FNIP1: variants seen among roughly 807,000 people sequenced by gnomAD.
FNIP1 encodes folliculin-interacting protein 1.
In FNIP1, 40 loss-of-function variants were observed where a neutral mutation model predicts 124.5. That is an observed-to-expected ratio of 0.32 (90% CI 0.25 to 0.42). The LOEUF is 0.42. FNIP1 is among the 10% of genes least tolerant of loss of function. FNIP1 has a pLI of 1.00. For synonymous variants in FNIP1, 472 were observed against 470.6 expected (o/e 1.00, Z -0.04); for missense variants, 1,176 against 1,403.7 (o/e 0.84, Z 2.59).
At chr5:131,716,537 A>C (rs1374038142) in intron 6 of FNIP1, 28 bp downstream of exon 6, 3 of 1,471,306 alleles carry the variant, frequency 2.0e-6, no homozygotes, top group Non-Finnish European at 2.8e-6. Flanking sequence ...GTATTTTTTA[A>C]ACTTATAAAA....
At chr5:131,714,637 C>T (rs1246203284) in intron 6 of FNIP1, among the ~76,000 whole-genome samples, 1 of 152,090 alleles carries the variant, frequency 6.6e-6, no homozygotes, top group Non-Finnish European at 1.5e-5. Flanking sequence ...GATCTCTTAC[C>T]CCTAGGTCTG....
At chr5:131,785,176 A>G (rs147303699) in intron 1 of FNIP1, among the ~76,000 whole-genome samples, 2,297 of 86,728 alleles carry the variant, frequency 0.026, 79 homozygotes, top group Non-Finnish European at 0.043. Context: ...CTATATATAT[A>G]TCATATATAT....
chr5:131,654,589 T>TA (rs1767136648), intron 15 of FNIP1, among the ~76,000 whole-genome samples: 1 of 151,956 alleles, frequency 6.6e-6, no homozygotes, highest in Non-Finnish European at 1.5e-5. Context: ...CATCTAGCTT[T>TA]AAAAAAAATG....
At chr5:131,708,247 C>G (rs1769180003) in intron 8 of FNIP1, among the ~76,000 whole-genome samples, 2 of 152,244 alleles carry the variant, frequency 1.3e-5, no homozygotes, top group Admixed American at 6.5e-5. Flanking sequence ...CTAATACATA[C>G]CTAGGGATTG....
intron 6 of FNIP1, among the ~76,000 whole-genome samples, chr5:131,713,425 G>A (rs1580777753): frequency 3.3e-5 from 5 of 152,182 alleles, no homozygotes; most frequent in Admixed American, 3.3e-4. Context: ...CATTTCCTAG[G>A]TCATCCTCCA....
At chr5:131,760,972 A>G (rs1242420439) in intron 1 of FNIP1, among the ~76,000 whole-genome samples, 1 of 152,162 alleles carries the variant, frequency 6.6e-6, no homozygotes, top group Non-Finnish European at 1.5e-5. Flanking sequence ...CAAGCCAAAA[A>G]CATTCCCAAT....
At chr5:131,742,466 AAAAC>A (rs1297761355) in intron 2 of FNIP1, among the ~76,000 whole-genome samples, 5 of 152,226 alleles carry the variant, frequency 3.3e-5, no homozygotes, top group Non-Finnish European at 4.4e-5. Flanking sequence ...CTGTCTCAAG[AAAAC>A]AAACAGACAA....
rs372818126 is a variant in FNIP1, at chr5:131,672,176, C to A, written c.2268G>T (p.Gly756=). Residue 756 remains glycine, a synonymous_variant, in exon 14 of 18, where the codon GGG becomes GGT. Coordinates refer to ENST00000510461, the MANE Select transcript of FNIP1 (RefSeq NM_133372.3). ...AAQTKVTFLI[G]DSMSPDSDTE... ...TATCTGAATCAGGTGACATAGAATC[C>A]CCAATCAGGAAAGTAACCTTTGTCT... The A allele has an allele frequency of 6.2e-7, 1 of 1,614,146 alleles. No homozygotes were observed. Among genetic ancestry groups the A allele is most frequent in the East Asian group, 2.2e-5 (1 of 44,882 alleles).
At chr5:131,709,135 G>C in intron 8 of FNIP1, 66 bp downstream of exon 8, 1 of 1,295,596 alleles carries the variant, frequency 7.7e-7, no homozygotes, top group Non-Finnish European at 1.1e-6. Context: ...TAAAGGGAGG[G>C]ATAAAAAAGA....
intron 15 of FNIP1, among the ~76,000 whole-genome samples, chr5:131,662,310 A>G (rs1469682230): frequency 6.8e-6 from 1 of 146,136 alleles, no homozygotes; most frequent in Admixed American, 6.7e-5. Context: ...AAAAGAAAGG[A>G]AAAAAAAAAC....
At chr5:131,775,295 C>T (rs1437920837) in intron 1 of FNIP1, among the ~76,000 whole-genome samples, 1 of 151,894 alleles carries the variant, frequency 6.6e-6, no homozygotes, top group East Asian at 1.9e-4. Context: ...ATTGTGTATG[C>T]TATGTTTTCA....
intron 13 of FNIP1, 187 bp downstream of exon 13, chr5:131,677,516 A>G (rs1767945126): frequency 3.9e-6 from 2 of 511,200 alleles, no homozygotes; most frequent in South Asian, 7.2e-5. Flanking sequence ...CTTCATCTAT[A>G]AGGAATGATT....
chr5:131,719,108 C>T (rs769573439), intron 4 of FNIP1, 48 bp from the exon 5 acceptor site: 2 of 1,525,222 alleles, frequency 1.3e-6, no homozygotes, highest in Non-Finnish European at 1.8e-6. Context: ...AATATAATGA[C>T]CTTTTGGATT....
intron 4 of FNIP1, 33 bp downstream of exon 4, chr5:131,719,284 G>A: frequency 1.3e-6 from 2 of 1,563,930 alleles, no homozygotes; most frequent in Non-Finnish European, 1.7e-6. Flanking sequence ...CTAAAAATGG[G>A]ACTCGTTAAA....
rs1767799965 is a variant in FNIP1 at position 131,672,698 on chromosome 5, C to T, written c.1746G>A (p.Glu582=). The change falls in exon 14 of 18, where the codon GAG becomes GAA. Residue 582 remains glutamate, a synonymous_variant. Transcript: ENST00000510461. ...TLEKGEIEES[E]YVLVTMHRNK... is the part of the protein sequence containing the mutation. ...TTCTATGCATTGTGACAAGGACATA[C>T]TCTGATTCTTCTATTTCACCTTTCT... 6.2e-7 allele frequency: 1 copy of T among 1,613,842 alleles called. No homozygotes were observed. Among genetic ancestry groups the T allele is most frequent in the African/African-American group, 1.3e-5 (1 of 74,908 alleles).
intron 16 of FNIP1, among the ~76,000 whole-genome samples, chr5:131,649,973 G>C (rs1766996318): frequency 1.3e-5 from 2 of 152,082 alleles, no homozygotes; most frequent in Non-Finnish European, 2.9e-5. Context: ...TATTCCATTG[G>C]TCTATATACC....
rs187105839 is a variant in FNIP1 at position 131,709,150 on chromosome 5, C to T, written c.778+51G>A. On this transcript the variant is annotated intron_variant, in intron 8 of 17. Coordinates refer to ENST00000510461, the MANE Select transcript of FNIP1 (RefSeq NM_133372.3). ...TAAAGGGAGGGATAAAAAAGAAAAT[C>T]AATGCCAACAGTAATCTCATAAAAA... is the stretch of plus-strand genomic sequence containing the variant. 1.7e-4 allele frequency: 252 copies of T among 1,468,554 alleles called. No individual in the cohort carries two copies. In the African/African-American group the frequency reaches 2.8e-3, roughly 16 times the overall value. 91.0% of individuals were successfully genotyped at this position (1,468,554 alleles called of 1,614,324 possible). A position where few individuals can be genotyped will look rare whatever the true frequency, so the allele number is the denominator to read the frequency against.
intron 1 of FNIP1, among the ~76,000 whole-genome samples, chr5:131,782,358 T>C (rs1373770570): frequency 1.6e-4 from 25 of 151,828 alleles, no homozygotes; most frequent in Admixed American, 1.6e-3. Flanking sequence ...AGACCAACCT[T>C]GGCAACGCAG....
intron 11 of FNIP1, among the ~76,000 whole-genome samples, chr5:131,690,623 T>C (rs1184594689): frequency 6.6e-6 from 1 of 152,182 alleles, no homozygotes; most frequent in Non-Finnish European, 1.5e-5. Context: ...TCCACAGCCA[T>C]GCTGAACTGT....
Sources: gnomAD v4.1 joint callset for allele counts (sites outside exome capture counted in the v4.1 genomes callset) on GRCh38, gnomAD v4.1.1 for gene constraint, MANE v1.5 for transcripts, NCBI Gene and HGNC (gene_info 2026-07-23, HGNC 2026-07-21) for gene names.